Variants in AKAP10 observed in about 807,000 individuals in gnomAD.
AKAP10 encodes the protein A-kinase anchor protein 10, mitochondrial.
A neutral mutation model predicts 80.8 loss-of-function variants in AKAP10; 24 were observed. That is an observed-to-expected ratio of 0.30 (90% CI 0.22 to 0.42). The LOEUF (loss-of-function observed/expected upper bound fraction) is 0.42, where lower values mean the gene tolerates loss of function less well. Among genes scored for constraint, AKAP10 ranks in the 10% least tolerant of loss-of-function variants. AKAP10 has a pLI of 1.00. For synonymous variants in AKAP10, 291 were observed against 277.7 expected (o/e 1.05, Z -0.48); for missense variants, 661 against 794.9 (o/e 0.83, Z 2.03).
At chr17:19,962,548 T>C (rs1305065941) in intron 3 of AKAP10, among the ~76,000 whole-genome samples, 1 of 152,210 alleles carries the variant, frequency 6.6e-6, no homozygotes, top group African/African-American at 2.4e-5. Context: ...ATTAACTGAT[T>C]ATTTTAATTT....
chr17:19,946,197 C>T (rs734302), intron 5 of AKAP10, among the ~76,000 whole-genome samples: 28,663 of 57,742 alleles, frequency 0.5, 7,201 homozygotes, highest in African/African-American at 0.71. Flanking sequence ...TATACTAATA[C>T]ATATATTTTA....
At position 19,958,300 on chromosome 17, in the gene AKAP10, A is replaced by G. The variant is rs2043305578; in HGVS notation, c.591T>C (p.Ser197=). The G allele has an allele frequency of 6.2e-7, 1 of 1,614,244 alleles. No homozygotes were observed. The highest frequency in any genetic ancestry group is 2.2e-5 in the East Asian group (1 of 44,892). ...TCTTATCAAGAGAATCAGTTAAAAA[A>G]GACGCTGTAGTTTCATGCTTTTTAG... The part of the protein sequence containing the change: ...SPSKKHETTA[S]FLTDSLDKRL... The change falls in exon 4 of 15, where the codon TCT becomes TCC. Residue 197 remains serine, a synonymous_variant. Transcript: ENST00000225737.
chr17:19,907,871 T>C (rs1011434133), intron 14 of AKAP10, among the ~76,000 whole-genome samples: 2 of 151,864 alleles, frequency 1.3e-5, no homozygotes, highest in Non-Finnish European at 2.9e-5. Context: ...AGACATTCTT[T>C]TTTTTTTTTG....
At chr17:19,964,193 T>C (rs1032112420) in intron 2 of AKAP10, among the ~76,000 whole-genome samples, 1 of 152,214 alleles carries the variant, frequency 6.6e-6, no homozygotes, top group Admixed American at 6.5e-5. Context: ...TCTATAGGAA[T>C]GGTGAGACTC....
At chr17:19,918,235 A>AT (rs2042770497) in intron 12 of AKAP10, among the ~76,000 whole-genome samples, 1 of 151,452 alleles carries the variant, frequency 6.6e-6, no homozygotes, top group African/African-American at 2.4e-5. Context: ...AAAAAAAAAA[A>AT]AAAAAAAGAA....
chr17:19,909,668 C>T lies in AKAP10; in HGVS notation c.1887+258G>A, dbSNP rs570741888. ...TCTACACACTGATTACTGATGCCTG[C>T]TGGCTGATGGAAACTTGAATGCATG... is the stretch of plus-strand genomic sequence containing the variant. On this transcript the variant is annotated intron_variant, in intron 13 of 14. Transcript: ENST00000225737. 3.9e-5 allele frequency among the ~76,000 whole-genome samples: 6 copies of T among 152,322 alleles called. No individual in the cohort carries two copies. The East Asian group carries it at 9.6e-4, about 24-fold the overall frequency.
intron 4 of AKAP10, among the ~76,000 whole-genome samples, chr17:19,947,805 TAAG>T (rs1384181139): frequency 7.9e-5 from 12 of 152,168 alleles, no homozygotes; most frequent in Admixed American, 6.5e-4. Flanking sequence ...TCTGAGGCAC[TAAG>T]AAGGAGAAAA....
intron 10 of AKAP10, chr17:19,929,405 A>G (rs1330966511): frequency 6.6e-6 from 1 of 152,212 alleles, no homozygotes; most frequent in Non-Finnish European, 1.5e-5. Flanking sequence ...AAATGACAAG[A>G]ACAGGTAATG....
intron 8 of AKAP10, among the ~76,000 whole-genome samples, chr17:19,936,805 T>C (rs1051305339): frequency 4.6e-5 from 7 of 152,214 alleles, no homozygotes; most frequent in African/African-American, 1.4e-4. Flanking sequence ...AAGGAAGACA[T>C]GGTCATTTTC....
At chr17:19,913,414 C>T (rs203459) in intron 12 of AKAP10, among the ~76,000 whole-genome samples, 1 of 151,472 alleles carries the variant, frequency 6.6e-6, no homozygotes, top group South Asian at 2.1e-4. Context: ...GGCCTCCCAA[C>T]GTGCTGGGAT....
rs1430877494 is a variant in AKAP10 at position 19,977,496 on chromosome 17, C to T, written c.88+96G>A. On this transcript the variant is annotated intron_variant, in intron 1 of 14. Transcript: ENST00000225737. ...GCCGAGGTCGAGGCTCGCTGAAGGCCTTGCTGCCGCCTTGGGGAAAGCCCT... is the reference window on the plus strand; with the variant it reads ...GCCGAGGTCGAGGCTCGCTGAAGGCTTTGCTGCCGCCTTGGGGAAAGCCCT... 8 of 1,018,006 alleles carry T rather than the reference C, an allele frequency of 7.9e-6. No homozygotes were observed. In the South Asian group the frequency reaches 2.0e-4, roughly 25 times the overall value. The allele number at this position is 1,018,006 out of a possible 1,614,324, so 63.1% of individuals were successfully genotyped here.
chr17:19,976,974 A>T (rs927822560), intron 1 of AKAP10, among the ~76,000 whole-genome samples: 1 of 152,106 alleles, frequency 6.6e-6, no homozygotes, highest in Non-Finnish European at 1.5e-5. Flanking sequence ...AACATTGGGC[A>T]GGTAATACAA....
intron 14 of AKAP10, among the ~76,000 whole-genome samples, 200 bp from the exon 15 acceptor site, chr17:19,906,432 G>C (rs2042632256): frequency 6.6e-6 from 1 of 152,104 alleles, no homozygotes; most frequent in Non-Finnish European, 1.5e-5. Flanking sequence ...GCTTAAAGAG[G>C]TTACGTAACT....
chr17:19,929,938 T>C (rs1227472703), intron 10 of AKAP10, among the ~76,000 whole-genome samples: 8 of 149,916 alleles, frequency 5.3e-5, no homozygotes, highest in Admixed American at 2.0e-4. Flanking sequence ...GATCGTGCCA[T>C]TGCACTCCAG....
intron 12 of AKAP10, among the ~76,000 whole-genome samples, chr17:19,915,438 G>A (rs534960504): frequency 1.7e-4 from 26 of 152,116 alleles, no homozygotes; most frequent in Non-Finnish European, 3.5e-4. Flanking sequence ...TTACATCCTT[G>A]GCATTCAGCA....
chr17:19,931,753 G>C (rs2042935870), intron 10 of AKAP10, 52 bp downstream of exon 10: 1 of 1,539,520 alleles, frequency 6.5e-7, no homozygotes, highest in African/African-American at 1.4e-5. Context: ...GGGATGTGAA[G>C]GAAAGGATGT....
At chr17:19,918,872 T>G (rs910413556) in intron 12 of AKAP10, among the ~76,000 whole-genome samples, 1 of 152,216 alleles carries the variant, frequency 6.6e-6, no homozygotes, top group Non-Finnish European at 1.5e-5. Flanking sequence ...ACTACTCTTC[T>G]GATTAAATGA....
chr17:19,909,692 T>C (rs751138114), intron 13 of AKAP10, among the ~76,000 whole-genome samples: 20 of 152,208 alleles, frequency 1.3e-4, no homozygotes, highest in Admixed American at 3.3e-4. Flanking sequence ...CTTGAATGCA[T>C]GTATATCCTT....
At chr17:19,951,986 T>A (rs2043221095) in intron 4 of AKAP10, among the ~76,000 whole-genome samples, 1 of 149,154 alleles carries the variant, frequency 6.7e-6, no homozygotes, top group Non-Finnish European at 1.5e-5. Flanking sequence ...AAACTGGTAA[T>A]CTAAATCCAA....
Sources: allele counts gnomAD v4.1 joint callset (sites outside exome capture counted in the v4.1 genomes callset), GRCh38; gene constraint gnomAD v4.1.1; transcripts MANE v1.5; gene names NCBI Gene and HGNC (gene_info 2026-07-23, HGNC 2026-07-21).